INSR: variants seen among roughly 807,000 people sequenced by gnomAD.
INSR encodes the protein insulin receptor, also known as IR.
Under a neutral mutation model 142.6 loss-of-function variants are expected in INSR, and 67 were observed. That is an observed-to-expected ratio of 0.47 (90% CI 0.39 to 0.58). The LOEUF is 0.58. Among genes scored for constraint, INSR ranks in the 20% least tolerant of loss-of-function variants. The pLI is 0.00. For synonymous variants in INSR, 756 were observed against 743.1 expected, an observed-to-expected ratio of 1.02 and a Z score of -0.28; for missense variants, 1,248 against 1,833.2, an observed-to-expected ratio of 0.68 and a Z score of 5.83.
Position 7,265,660 on chromosome 19 carries a change from G to A in INSR, c.652+1685C>T, listed in dbSNP as rs368241713. On this transcript the variant is annotated intron_variant, in intron 2 of 21. Coordinates refer to ENST00000302850, the MANE Select transcript of INSR (RefSeq NM_000208.4). ...TGGGGCAGGAGAACCGCTTGAACCC[G>A]GGAGGCAGAGGTTGCAGTGAGCCGA... 2.6e-3 allele frequency among the ~76,000 whole-genome samples: 397 copies of A among 151,570 alleles called. No homozygotes were observed. The Middle Eastern group carries it at 0.031, about 12-fold the overall frequency.
intron 21 of INSR, among the ~76,000 whole-genome samples, chr19:7,117,709 C>G (rs941947902): frequency 6.6e-6 from 1 of 152,032 alleles, no homozygotes; most frequent in African/African-American, 2.4e-5. Flanking sequence ...TAGGCTCGAG[C>G]AATCCTCTCA....
In INSR at chr19:7,117,222, G is replaced by A. The variant is rs1972356974; in HGVS notation, c.3983C>T (p.Pro1328Leu). Residue 1328 changes from proline (P) to leucine (L), a missense_variant, in exon 22 of 22, where the codon CCC (proline) becomes CTC (leucine). This residue lies in a region of INSR where 122 missense variants were observed against 129.8 expected (regional missense o/e 0.94). Coordinates refer to ENST00000302850, the MANE Select transcript of INSR (RefSeq NM_000208.4). Reference protein sequence around the residue: ...EMEFEDMENVPLDRSSHCQRE... With the variant: ...EMEFEDMENVLLDRSSHCQRE... ...CTGACAGTGCGAGGAACGGTCCAGG[G>A]GCACATTCTCCATGTCCTCAAACTC... 3 of 1,614,084 alleles carry A rather than the reference G, an allele frequency of 1.9e-6. No individual in the cohort carries two copies. In the East Asian group the frequency reaches 6.7e-5, roughly 36 times the overall value.
At chr19:7,137,968 T>TG (rs1165687037) in intron 13 of INSR, among the ~76,000 whole-genome samples, 1 of 140,412 alleles carries the variant, frequency 7.1e-6, no homozygotes, top group East Asian at 2.1e-4. Context: ...TTCTTTTTCT[T>TG]TTTTTTTTTT....
Position 7,141,772 on chromosome 19 carries a change from CA to C in INSR, c.2586del (p.Phe862LeufsTer8). 1 of 1,614,184 alleles carries C rather than the reference CA, an allele frequency of 6.2e-7. No homozygotes were observed. Among genetic ancestry groups the C allele is most frequent in the Non-Finnish European group, 8.5e-7 (1 of 1,180,024 alleles). On this transcript the variant is annotated frameshift_variant, in exon 13 of 22. Transcript: ENST00000302850. LOFTEE classifies it high-confidence loss of function. ...CACATCAAGTGGACGACGTTGTTCT[CA>C]AAGATTTCATGCGTCACAGGGCCAA... ...DIVGPVTHEI[F>X]ENNVVHLMWQ...
intron 1 of INSR, among the ~76,000 whole-genome samples, chr19:7,274,728 C>G (rs995915953): frequency 6.6e-6 from 1 of 150,738 alleles, no homozygotes; most frequent in African/African-American, 2.4e-5. Flanking sequence ...TGGCGTGAAC[C>G]CAGGAGGCGG....
In INSR at chr19:7,122,997, G is replaced by A. The variant is rs771051407; in HGVS notation, c.3259-8C>T. 1.9e-6 allele frequency: 3 copies of A among 1,585,888 alleles called. No homozygotes were observed. The highest frequency in any genetic ancestry group is 2.6e-6 in the Non-Finnish European group (3 of 1,165,412). On this transcript the variant is annotated splice_polypyrimidine_tract_variant and splice_region_variant and intron_variant, in intron 17 of 21. Transcript: ENST00000302850. ...CACTCCCAGGAGGCGCACCTGCAGA[G>A]CAAGCAACCAGGGTTCTTGGAGGAG...
intron 2 of INSR, among the ~76,000 whole-genome samples, chr19:7,198,942 G>A (rs1013968086): frequency 8.6e-5 from 13 of 151,936 alleles, no homozygotes; most frequent in Non-Finnish European, 1.6e-4. Context: ...GGAGTGCAGT[G>A]GTGTGATCAT....
chr19:7,141,671 C>T lies in INSR; in HGVS notation c.2682+6G>A, dbSNP rs376929637. 6.2e-7 allele frequency: 1 copy of T among 1,614,162 alleles called. No homozygotes were observed. Among genetic ancestry groups the T allele is most frequent in the Admixed American group, 1.7e-5 (1 of 60,022 alleles). On this transcript the variant is annotated splice_donor_region_variant and intron_variant, in intron 13 of 21. Transcript: ENST00000302850. ...CAGGGGCATGCCCAAGAGTCAAGGG[C>T]CTTACCTCATCACCATATCGCCGAT...
chr19:7,290,778 G>GA (rs937960720), intron 1 of INSR, among the ~76,000 whole-genome samples: 56 of 122,636 alleles, frequency 4.6e-4, no homozygotes, highest in South Asian at 5.7e-4. Flanking sequence ...AAAAAAAAAA[G>GA]AAAAAAAAAA....
intron 2 of INSR, among the ~76,000 whole-genome samples, chr19:7,241,177 GTTTT>G (rs80160830): frequency 0.24 from 32,399 of 137,716 alleles, 4,571 homozygotes; most frequent in Non-Finnish European, 0.31. Flanking sequence ...ATTTTATTTT[GTTTT>G]TTTTTTTTTT....
At chr19:7,280,898 CA>C (rs1049883665) in intron 1 of INSR, among the ~76,000 whole-genome samples, 6 of 149,020 alleles carry the variant, frequency 4.0e-5, no homozygotes, top group Admixed American at 6.7e-5. Context: ...ACTCGATCTC[CA>C]AAAAAAAAGA....
At chr19:7,232,052 G>A (rs1467101113) in intron 2 of INSR, among the ~76,000 whole-genome samples, 1 of 152,094 alleles carries the variant, frequency 6.6e-6, no homozygotes, top group Admixed American at 6.6e-5. Context: ...AATGGTGATA[G>A]TAATCATTGT....
At chr19:7,157,783 AT>A in intron 9 of INSR, among the ~76,000 whole-genome samples, 1 of 151,200 alleles carries the variant, frequency 6.6e-6, no homozygotes, top group East Asian at 1.9e-4. Context: ...AGGAAATTCC[AT>A]TTTCTCTCCT....
intron 5 of INSR, among the ~76,000 whole-genome samples, chr19:7,171,427 G>A (rs984816274): frequency 2.0e-5 from 3 of 152,090 alleles, no homozygotes; most frequent in Non-Finnish European, 4.4e-5. Flanking sequence ...GCCATCTTGT[G>A]ACCATGAGGA....
chr19:7,204,997 T>G (rs1214295516), intron 2 of INSR, among the ~76,000 whole-genome samples: 2 of 128,170 alleles, frequency 1.6e-5, no homozygotes, highest in South Asian at 4.6e-4. Flanking sequence ...GGCAGGAGAA[T>G]CGCTTGAAGC....
At chr19:7,118,166 G>A (rs1240966072) in intron 21 of INSR, among the ~76,000 whole-genome samples, 1 of 150,378 alleles carries the variant, frequency 6.6e-6, no homozygotes, top group African/African-American at 2.4e-5. Context: ...CTGAGTCCAG[G>A]AGTTCAAGGT....
At chr19:7,180,187 A>G (rs1974237381) in intron 3 of INSR, among the ~76,000 whole-genome samples, 1 of 152,218 alleles carries the variant, frequency 6.6e-6, no homozygotes, top group Admixed American at 6.5e-5. Flanking sequence ...AACAAGAGCT[A>G]GCTGATACAC....
Position 7,126,878 on chromosome 19 carries a change from GT to G in INSR, c.2946-228del, listed in dbSNP as rs11292032. On this transcript the variant is annotated intron_variant, in intron 15 of 21. Transcript: ENST00000302850. ...GGGAGCACTCATCCCTCCCTGGGTGGTTTTTTTTTTGTTTTGTTTTTGTTTT... is the reference window on the plus strand; with the variant it reads ...GGGAGCACTCATCCCTCCCTGGGTGGTTTTTTTTTGTTTTGTTTTTGTTTT... Among the ~76,000 whole-genome samples the G allele has an allele frequency of 0.21, 31,695 of 149,308 alleles. 3,531 individuals are homozygous for G. The highest frequency in any genetic ancestry group is 0.41 in the East Asian group (2,073 of 5,106).
chr19:7,140,894 A>G (rs749315280), intron 13 of INSR, among the ~76,000 whole-genome samples: 2 of 151,904 alleles, frequency 1.3e-5, no homozygotes, highest in Non-Finnish European at 2.9e-5. Context: ...TGGGACATAC[A>G]GTGAGCCCTG....
Sources: allele counts gnomAD v4.1 joint callset (sites outside exome capture counted in the v4.1 genomes callset), GRCh38; gene constraint gnomAD v4.1.1; regional missense constraint gnomAD v4.1.1; transcripts MANE v1.5; gene names NCBI Gene and HGNC (gene_info 2026-07-23, HGNC 2026-07-21).